PCDHGB6: variants seen among roughly 807,000 people sequenced by gnomAD.
The protein encoded by PCDHGB6 is protocadherin gamma-B6.
PCDHGB6 carries 51 observed loss-of-function variants against 59.1 expected under a neutral mutation model. The observed-to-expected ratio is 0.86, with a 90% CI of 0.69 to 1.09. PCDHGB6 has a LOEUF of 1.09. PCDHGB6 is among the 50% of genes least tolerant of loss of function. PCDHGB6 has a pLI of 0.00. For synonymous variants in PCDHGB6, 466 were observed against 495.1 expected, an observed-to-expected ratio of 0.94 and a Z score of 0.78; for missense variants, 1,148 against 1,205.1, an observed-to-expected ratio of 0.95 and a Z score of 0.70.
At chr5:141,481,441 T>C (rs1397908285) in intron 1 of PCDHGB6, among the ~76,000 whole-genome samples, 1 of 152,250 alleles carries the variant, frequency 6.6e-6, no homozygotes, top group East Asian at 1.9e-4. Context: ...ATCAGTTTAG[T>C]ACATGTAAAT....
rs1358516648 is a variant in PCDHGB6, at chr5:141,489,199, A to C, written c.2419-5608A>C. The C allele has an allele frequency of 1.4e-6, 2 of 1,395,234 alleles. No individual in the cohort carries two copies. The highest frequency in any genetic ancestry group is 2.8e-5 in the South Asian group (2 of 71,520). The allele number at this position is 1,395,234 out of a possible 1,614,324, so 86.4% of individuals were successfully genotyped here. ...CAAGCCCTGGGTCTACCTTGGAGAC[A>C]GGACAGCACAGACTTACTCTCCACA... On this transcript the variant is annotated intron_variant, in intron 1 of 3. Transcript: ENST00000520790. The surrounding 1 kb of genome is among the most constrained non-coding windows in gnomAD (Gnocchi z 4.5).
chr5:141,417,980 C>G lies in PCDHGB6; in HGVS notation c.2418+7360C>G, dbSNP rs905203424. On this transcript the variant is annotated intron_variant, in intron 1 of 3. Coordinates refer to ENST00000520790, the MANE Select transcript of PCDHGB6 (RefSeq NM_018926.3). ...GATCCGCTACTCGATTCCGGAGGAG[C>G]TGGCCAAGGGCTCGGTGGTGGGGAA... is the stretch of plus-strand genomic sequence containing the variant. The G allele has an allele frequency of 1.9e-6, 3 of 1,613,738 alleles. No individual in the cohort carries two copies. In the African/African-American group the frequency reaches 4.0e-5, roughly 22 times the overall value.
chr5:141,460,582 G>A (rs1246329967), intron 1 of PCDHGB6, among the ~76,000 whole-genome samples: 2 of 152,022 alleles, frequency 1.3e-5, no homozygotes, highest in South Asian at 4.1e-4. Context: ...GTAGGTGTGG[G>A]TTTTTTCTGG....
chr5:141,487,920 C>G lies in PCDHGB6; in HGVS notation c.2419-6887C>G, dbSNP rs561819225. On this transcript the variant is annotated intron_variant, in intron 1 of 3. Coordinates refer to ENST00000520790, the MANE Select transcript of PCDHGB6 (RefSeq NM_018926.3). This position sits in a 1 kb window ranked among gnomAD's most constrained non-coding sequence, Gnocchi z 5.0. ...TGGAATGTGGGAGCACAGGAGGCTA[C>G]AGTGCACAGGGTACAGTGCACCAGG... The G allele has an allele frequency of 4.7e-6, 3 of 644,662 alleles. No individual in the cohort carries two copies. The Admixed American group carries it at 8.5e-5, about 18-fold the overall frequency. 39.9% of individuals were successfully genotyped at this position (644,662 alleles called of 1,614,324 possible).
At chr5:141,464,008 G>A (rs1484928987) in intron 1 of PCDHGB6, among the ~76,000 whole-genome samples, 6 of 151,674 alleles carry the variant, frequency 4.0e-5, no homozygotes, top group Non-Finnish European at 7.4e-5. Flanking sequence ...GCTCATGCTT[G>A]TAATCCCACA....
At chr5:141,422,724 G>T (rs560544401) in intron 1 of PCDHGB6, 3 of 1,606,016 alleles carry the variant, frequency 1.9e-6, no homozygotes, top group Admixed American at 3.3e-5. Context: ...CTGTCCAGGG[G>T]GTGCCTCTGT....
intron 1 of PCDHGB6, chr5:141,417,979 G>C (rs2096202372): frequency 6.2e-7 from 1 of 1,613,752 alleles, no homozygotes; most frequent in Admixed American, 1.7e-5. Context: ...TTCCGGAGGA[G>C]CTGGCCAAGG....
chr5:141,427,896 C>G, intron 1 of PCDHGB6: 1 of 1,570,508 alleles, frequency 6.4e-7, no homozygotes, highest in East Asian at 2.2e-5. Context: ...CCAGGGCTCG[C>G]CCGCGCTCAG....
chr5:141,422,349 T>C (rs768693451), intron 1 of PCDHGB6: 95 of 1,554,604 alleles, frequency 6.1e-5, no homozygotes, highest in Non-Finnish European at 8.2e-5. Flanking sequence ...ATGTGCAAGA[T>C]CAAGATTCTG....
At chr5:141,454,870 C>T (rs2098805291) in intron 1 of PCDHGB6, among the ~76,000 whole-genome samples, 1 of 131,902 alleles carries the variant, frequency 7.6e-6, no homozygotes, top group Non-Finnish European at 1.5e-5. Context: ...TGCAGTGGCA[C>T]GATCTTGGCT....
intron 1 of PCDHGB6, among the ~76,000 whole-genome samples, chr5:141,438,636 ACACACAC>A: frequency 3.9e-5 from 1 of 25,700 alleles, no homozygotes; most frequent in African/African-American, 1.5e-4. Flanking sequence ...ATATATATAT[ACACACAC>A]ACACACACAT....
chr5:141,442,697 G>C (rs1443734141), intron 1 of PCDHGB6, among the ~76,000 whole-genome samples: 2 of 152,258 alleles, frequency 1.3e-5, no homozygotes, highest in East Asian at 1.9e-4. Flanking sequence ...AGGCAGACAA[G>C]AGTATCAGAC....
chr5:141,484,715 G>A (rs576646182), intron 1 of PCDHGB6, among the ~76,000 whole-genome samples: 1 of 152,130 alleles, frequency 6.6e-6, no homozygotes, highest in African/African-American at 2.4e-5. Context: ...CCGCCGAAAA[G>A]GGGCGGGGTC....
chr5:141,415,017 G>A lies in PCDHGB6; in HGVS notation c.2418+4397G>A, dbSNP rs1344566574. ...CCTGGCTGTCCTACCGTCTGCTCAA[G>A]GCCAGCGAGCCGGGACTCTTCGCGG... On this transcript the variant is annotated intron_variant, in intron 1 of 3. Transcript: ENST00000520790. The A allele has an allele frequency of 1.9e-6, 3 of 1,613,574 alleles. No homozygotes were observed. In the Admixed American group the frequency reaches 5.0e-5, roughly 27 times the overall value.
intron 1 of PCDHGB6, chr5:141,422,092 G>T: frequency 6.2e-7 from 1 of 1,611,520 alleles, no homozygotes; most frequent in Non-Finnish European, 8.5e-7. Context: ...GGAAAGCAAG[G>T]CTTCTGAAAT....
chr5:141,454,898 C>T (rs1426884791), intron 1 of PCDHGB6, among the ~76,000 whole-genome samples: 1 of 147,834 alleles, frequency 6.8e-6, no homozygotes, highest in Non-Finnish European at 1.5e-5. Flanking sequence ...AGCACCGCCT[C>T]CCGGGTTCAC....
chr5:141,503,367 C>T (rs1038565489), intron 2 of PCDHGB6, among the ~76,000 whole-genome samples: 5 of 151,908 alleles, frequency 3.3e-5, no homozygotes, highest in African/African-American at 9.7e-5. Flanking sequence ...GAAGCGGAGG[C>T]AGGTGGATCA....
Position 141,410,843 on chromosome 5 carries a change from CTT to C in PCDHGB6, c.2418+225_2418+226del, listed in dbSNP as rs1452086070. 5.3e-4 allele frequency: 115 copies of C among 216,326 alleles called. 1 individual carries two copies. In the East Asian group the frequency reaches 7.7e-3, roughly 14 times the overall value. 13.4% of individuals were successfully genotyped at this position (216,326 alleles called of 1,614,324 possible). A position where few individuals can be genotyped will look rare whatever the true frequency, so the allele number is the denominator to read the frequency against. The stretch of plus-strand genomic sequence containing the variant: ...TGTCACCAGACTGAAGATATTTTGT[CTT>C]TGTCTTTTTTTTTTTTTTTTTTTTT... On this transcript the variant is annotated intron_variant, in intron 1 of 3. Transcript: ENST00000520790.
At chr5:141,488,546 G>A (rs2099676755) in intron 1 of PCDHGB6, among the ~76,000 whole-genome samples, 1 of 152,188 alleles carries the variant, frequency 6.6e-6, no homozygotes, top group African/African-American at 2.4e-5. Context: ...TCCCATGTCA[G>A]CTGACATTGA....
Sources: gnomAD v4.1 joint callset for allele counts (sites outside exome capture counted in the v4.1 genomes callset) on GRCh38, gnomAD v4.1.1 for gene constraint, Gnocchi (gnomAD v3.1) non-coding constraint, MANE v1.5 for transcripts, NCBI Gene and HGNC (gene_info 2026-07-23, HGNC 2026-07-21) for gene names.